Variants in PCYT2 observed in about 807,000 individuals in gnomAD.
PCYT2 encodes the protein phosphate cytidylyltransferase 2, ethanolamine.
A neutral mutation model predicts 50.0 loss-of-function variants in PCYT2; 33 were observed. That is an observed-to-expected ratio of 0.66 (90% CI 0.50 to 0.88). The LOEUF (loss-of-function observed/expected upper bound fraction) is 0.88, where lower values mean the gene tolerates loss of function less well. PCYT2 is among the 40% of genes least tolerant of loss of function. PCYT2 has a pLI of 0.00. For missense variants in PCYT2, 430 were observed against 519.7 expected, an observed-to-expected ratio of 0.83 and a Z score of 1.68; for synonymous variants, 240 against 203.7, an observed-to-expected ratio of 1.18 and a Z score of -1.52.
In PCYT2 at chr17:81,910,754, C is replaced by T. The variant is rs142287859; in HGVS notation, c.89+513G>A. On this transcript the variant is annotated intron_variant, in intron 1 of 12. Transcript: ENST00000538936. ...ATCAGTAACGGTCGTCTTCCTTTCA[C>T]TTGTTGACAACCCGAAACTTTTCTT... 1.9e-5 allele frequency: 7 copies of T among 372,320 alleles called. No homozygotes were observed. In the East Asian group the frequency reaches 8.2e-4, roughly 43 times the overall value. The allele number at this position is 372,320 out of a possible 1,614,324, so 23.1% of individuals were successfully genotyped here.
Position 81,909,485 on chromosome 17 carries a change from C to T in PCYT2, c.178+29G>A, listed in dbSNP as rs370230026. On this transcript the variant is annotated intron_variant, in intron 2 of 12. Transcript: ENST00000538936. ...GCAACCCACAGGAGGGCTGGGGGGC[C>T]GCGGGTGGGCGAGGCCATCTGTGCT... is the stretch of plus-strand genomic sequence containing the variant. 7.5e-5 allele frequency: 119 copies of T among 1,592,214 alleles called. No individual in the cohort carries two copies. The African/African-American group carries it at 1.4e-3, about 19-fold the overall frequency.
rs1241932573 is a variant in PCYT2 at position 81,901,795 on chromosome 17, AATG to A, written c.*3035_*3037del. 1 of 152,620 alleles carries A rather than the reference AATG, an allele frequency of 6.6e-6. No individual in the cohort carries two copies. Among genetic ancestry groups the A allele is most frequent in the Non-Finnish European group, 1.5e-5 (1 of 68,326 alleles). 9.5% of individuals were successfully genotyped at this position (152,620 alleles called of 1,614,324 possible). A position where few individuals can be genotyped will look rare whatever the true frequency, so the allele number is the denominator to read the frequency against. On this transcript the variant is annotated 3_prime_UTR_variant, in exon 13 of 13. Coordinates refer to ENST00000538936, the MANE Select transcript of PCYT2 (RefSeq NM_002861.5). The stretch of plus-strand genomic sequence containing the variant: ...AACCTTCCCCAGTGGGCATGAAAGA[AATG>A]AGGGCCCCACAAGCCACATGGACTC...
In PCYT2 at chr17:81,905,116, A is replaced by G. The variant is rs777261885; in HGVS notation, c.1008T>C (p.Ser336=). The change falls in exon 12 of 13, where the codon AGT becomes AGC. Residue 336 remains serine (S), a synonymous_variant. Transcript: ENST00000538936. ...TGAGGTCTGTGGTGAGGTTGCTGCC[A>G]CTGTCAATCTGACGGAAGATGCCCC... ...KRRGIFRQID[S]GSNLTTDLIV... 9 of 1,613,414 alleles carry G rather than the reference A, an allele frequency of 5.6e-6. No homozygotes were observed. The South Asian group carries it at 8.8e-5, about 16-fold the overall frequency.
chr17:81,905,612 G>C (rs2040218301), intron 10 of PCYT2, 58 bp downstream of exon 10: 1 of 1,556,616 alleles, frequency 6.4e-7, no homozygotes, highest in Non-Finnish European at 8.9e-7. Flanking sequence ...TGCATTCCCA[G>C]CCCATGCAGG....
rs575352070 is a variant in PCYT2 at position 81,902,629 on chromosome 17, G to A, written c.*2204C>T. On this transcript the variant is annotated 3_prime_UTR_variant, in exon 13 of 13. Coordinates refer to ENST00000538936, the MANE Select transcript of PCYT2 (RefSeq NM_002861.5). The stretch of plus-strand genomic sequence containing the variant: ...CTTGCCTGCCCCCCAGGCTGTGTGC[G>A]TCCAGGACGTCGCCCCAAACCTGCA... The A allele has an allele frequency of 1.3e-5, 20 of 1,595,534 alleles. No individual in the cohort carries two copies. In the South Asian group the frequency reaches 1.4e-4, roughly 11 times the overall value.
rs933162549 is a variant in PCYT2, at chr17:81,907,766, G to A, written c.492+7C>T. 1.7e-5 allele frequency: 27 copies of A among 1,612,584 alleles called. No homozygotes were observed. The highest frequency in any genetic ancestry group is 8.0e-5 in the African/African-American group (6 of 74,932). Reference sequence around the variant, plus strand: ...CAGGGGCCTCGGGGATTCCGCCGCCGACTCACCTGGCTGCTGTGATGGGCT... The same window carrying A: ...CAGGGGCCTCGGGGATTCCGCCGCCAACTCACCTGGCTGCTGTGATGGGCT... On this transcript the variant is annotated splice_region_variant and intron_variant, in intron 5 of 12. Transcript: ENST00000538936.
intron 10 of PCYT2, 67 bp downstream of exon 10, chr17:81,905,603 G>A: frequency 6.5e-7 from 1 of 1,531,440 alleles, no homozygotes. Context: ...CAGCCAGCCT[G>A]CATTCCCAGC....
At chr17:81,907,916 T>G in intron 4 of PCYT2, 59 bp from the exon 5 acceptor site, 1 of 1,397,158 alleles carries the variant, frequency 7.2e-7, no homozygotes, top group Non-Finnish European at 1.0e-6. Flanking sequence ...CTCTGCCTCC[T>G]GCTACCACCA....
Position 81,902,143 on chromosome 17 carries a change from G to A in PCYT2, c.*2690C>T, listed in dbSNP as rs922931153. The stretch of plus-strand genomic sequence containing the variant: ...TGCGACGGCTCCTCCGCGCGCGCCC[G>A]CTGCACCCCAGCCCGCCCGCCGCCC... On this transcript the variant is annotated 3_prime_UTR_variant, in exon 13 of 13. Transcript: ENST00000538936. 8 of 846,604 alleles carry A rather than the reference G, an allele frequency of 9.4e-6. No homozygotes were observed. The highest frequency in any genetic ancestry group is 1.8e-5 in the African/African-American group (1 of 55,862). The allele number at this position is 846,604 out of a possible 1,614,324, so 52.4% of individuals were successfully genotyped here. A position where few individuals can be genotyped will look rare whatever the true frequency, so the allele number is the denominator to read the frequency against.
At position 81,902,923 on chromosome 17, in the gene PCYT2, A is replaced by G; in HGVS notation, c.*1910T>C. ...GCCTCGGAGTGAGGGGTGCTGGAGG[A>G]CTGGCAGCCAGGCCACGAGGGGAAC... On this transcript the variant is annotated 3_prime_UTR_variant, in exon 13 of 13. Transcript: ENST00000538936. 1 of 577,746 alleles carries G rather than the reference A, an allele frequency of 1.7e-6. No homozygotes were observed. The highest frequency in any genetic ancestry group is 2.9e-6 in the Non-Finnish European group (1 of 347,612). The allele number at this position is 577,746 out of a possible 1,614,324, so 35.8% of individuals were successfully genotyped here. A position where few individuals can be genotyped will look rare whatever the true frequency, so the allele number is the denominator to read the frequency against.
intron 2 of PCYT2, 84 bp downstream of exon 2, chr17:81,909,430 C>T: frequency 6.6e-7 from 1 of 1,504,636 alleles, no homozygotes; most frequent in Non-Finnish European, 9.1e-7. Flanking sequence ...GCAAGGTGGC[C>T]CCAGGCCTGC....
rs199838421 is a variant in PCYT2 at position 81,906,182 on chromosome 17, G to A, written c.760-5C>T. ...CCCCTTGTAGTGATTGACCTCCTGC[G>A]GCCAGAGTGCGGCTAGCTCAGCCCG... is the stretch of plus-strand genomic sequence containing the variant. On this transcript the variant is annotated splice_polypyrimidine_tract_variant and splice_region_variant and intron_variant, in intron 8 of 12. Transcript: ENST00000538936. 3.6e-5 allele frequency: 58 copies of A among 1,609,068 alleles called. No homozygotes were observed. Among genetic ancestry groups the A allele is most frequent in the East Asian group, 4.5e-5 (2 of 44,778 alleles).
rs2040286428 is a variant in PCYT2 at position 81,906,623 on chromosome 17, C to T, written c.677-77G>A. On this transcript the variant is annotated intron_variant, in intron 7 of 12. Transcript: ENST00000538936. The stretch of plus-strand genomic sequence containing the variant: ...CTGACAGCTCATGCCCAAGGGCCTC[C>T]CCGCCATCCTCCCTGCTGACAGCTG... 4.6e-5 allele frequency: 73 copies of T among 1,572,212 alleles called. 1 individual carries two copies. In the South Asian group the frequency reaches 7.4e-4, roughly 16 times the overall value.
At chr17:81,906,416 G>A (rs189821796) in intron 8 of PCYT2, 48 bp downstream of exon 8, 174 of 1,551,300 alleles carry the variant, frequency 1.1e-4, no homozygotes, top group Non-Finnish European at 1.5e-4. Context: ...AGGGCCCCTC[G>A]AGGGCCCATC....
intron 6 of PCYT2, 33 bp downstream of exon 6, chr17:81,907,521 C>G (rs770751893): frequency 6.9e-6 from 11 of 1,590,526 alleles, no homozygotes; most frequent in Middle Eastern, 3.3e-4. Context: ...CCTGCAGCTG[C>G]GTGCTCAGCT....
At chr17:81,905,817 C>G in intron 9 of PCYT2, 82 bp from the exon 10 acceptor site, 3 of 1,424,108 alleles carry the variant, frequency 2.1e-6, no homozygotes, top group Non-Finnish European at 3.0e-6. Flanking sequence ...AGAGACGGCT[C>G]AGACATGGGG....
At chr17:81,905,835 G>A in intron 9 of PCYT2, 100 bp from the exon 10 acceptor site, 3 of 1,243,866 alleles carry the variant, frequency 2.4e-6, no homozygotes, top group Non-Finnish European at 3.5e-6. Flanking sequence ...GGGCGGGGCT[G>A]CCAGTGAGTA....
chr17:81,907,516 AGCTGCGT>A (rs1567892524), intron 6 of PCYT2, 31 bp downstream of exon 6: 2 of 1,586,372 alleles, frequency 1.3e-6, no homozygotes, highest in Non-Finnish European at 1.7e-6. Flanking sequence ...AGCCCCCTGC[AGCTGCGT>A]GCTCAGCTCT....
At chr17:81,906,922 G>A (rs376777004) in intron 6 of PCYT2, 24 bp from the exon 7 acceptor site, 27 of 1,608,434 alleles carry the variant, frequency 1.7e-5, no homozygotes, top group African/African-American at 1.3e-4. Flanking sequence ...GAGGGAGCAG[G>A]TTGGCGGGGG....
Sources: gnomAD v4.1 joint callset for allele counts on GRCh38, gnomAD v4.1.1 for gene constraint, MANE v1.5 for transcripts, NCBI Gene and HGNC (gene_info 2026-07-23, HGNC 2026-07-21) for gene names.